Variants in PRKD1 observed in about 807,000 individuals in gnomAD.
PRKD1 encodes serine/threonine-protein kinase D1.
Under a neutral mutation model 95.9 loss-of-function variants are expected in PRKD1, and 63 were observed. That is an observed-to-expected ratio of 0.66 (90% CI 0.54 to 0.81). The LOEUF (loss-of-function observed/expected upper bound fraction) is 0.81. PRKD1 is among the 30% of genes least tolerant of loss of function. The pLI, the probability that PRKD1 is intolerant of heterozygous loss-of-function variation, is 0.00. For synonymous variants in PRKD1, 425 were observed against 423.1 expected, an observed-to-expected ratio of 1.00 and a Z score of -0.05; for missense variants, 1,048 against 1,165.3, an observed-to-expected ratio of 0.90 and a Z score of 1.47.
At chr14:29,724,339 T>C (rs1337002198) in intron 2 of PRKD1, among the ~76,000 whole-genome samples, 1 of 152,226 alleles carries the variant, frequency 6.6e-6, no homozygotes, top group African/African-American at 2.4e-5. Flanking sequence ...ATATGAATTA[T>C]GGCAAGAACT....
At chr14:29,750,550 C>T (rs1887427565) in intron 1 of PRKD1, among the ~76,000 whole-genome samples, 1 of 152,024 alleles carries the variant, frequency 6.6e-6, no homozygotes, top group Admixed American at 6.6e-5. Context: ...ATTCCAGCAG[C>T]TCAAGGCCAA....
chr14:29,728,740 T>C (rs112994868), intron 1 of PRKD1, among the ~76,000 whole-genome samples: 1,903 of 152,294 alleles, frequency 0.012, 44 homozygotes, highest in African/African-American at 0.043. Context: ...CAATGAACAT[T>C]ATGTACAAGT....
rs539524286 is a variant in PRKD1 at position 29,926,444 on chromosome 14, T to C, written c.264+805A>G. ...AACCTGAAAATCCAAATTGCTACTG[T>C]AAACAGTGGTGGGTGGGCTGAGTCT... On this transcript the variant is annotated intron_variant, in intron 1 of 17. Coordinates refer to ENST00000331968, the MANE Select transcript of PRKD1 (RefSeq NM_002742.3). Among the ~76,000 whole-genome samples, 278 of 152,194 alleles carry C rather than the reference T, an allele frequency of 1.8e-3. 1 individual carries two copies. Among genetic ancestry groups the C allele is most frequent in the Non-Finnish European group, 2.9e-3 (196 of 68,006 alleles).
intron 2 of PRKD1, among the ~76,000 whole-genome samples, chr14:29,682,817 GC>G (rs1183914295): frequency 6.6e-6 from 1 of 152,182 alleles, no homozygotes; most frequent in Non-Finnish European, 1.5e-5. Context: ...TGCTTAAAAT[GC>G]AAAGCTGGGA....
At chr14:29,773,473 A>G (rs1238022069) in intron 1 of PRKD1, among the ~76,000 whole-genome samples, 2 of 151,658 alleles carry the variant, frequency 1.3e-5, no homozygotes, top group East Asian at 1.9e-4. Context: ...AAAAAAAAAA[A>G]AAAGGAGTAA....
At chr14:29,828,588 A>C (rs4479124) in intron 1 of PRKD1, among the ~76,000 whole-genome samples, 68 of 152,258 alleles carry the variant, frequency 4.5e-4, no homozygotes, top group African/African-American at 1.5e-3. Context: ...TAGAGGAAAA[A>C]GAGATTCTCT....
chr14:29,632,967 A>C (rs752076316), intron 8 of PRKD1, 21 bp from the exon 9 acceptor site: 6 of 1,597,220 alleles, frequency 3.8e-6, no homozygotes, highest in South Asian at 1.1e-5. Context: ...AGTTAGATCC[A>C]AGATCTTTTT....
In PRKD1 at chr14:29,746,531, T is replaced by TACACAC. The variant is rs143019466; in HGVS notation, c.265-20863_265-20858dup. ...TTATCTCATTGTGTGTGTACATATA[T>TACACAC]ACACACACACACACACACACACATA... On this transcript the variant is annotated intron_variant, in intron 1 of 17. Coordinates refer to ENST00000331968, the MANE Select transcript of PRKD1 (RefSeq NM_002742.3). Among the ~76,000 whole-genome samples, 889 of 149,468 alleles carry TACACAC rather than the reference T, an allele frequency of 5.9e-3. 13 individuals carry two copies. Among genetic ancestry groups the TACACAC allele is most frequent in the African/African-American group, 0.02 (819 of 40,610 alleles).
At position 29,725,561 on chromosome 14, in the gene PRKD1, G is replaced by C; in HGVS notation, c.378C>G (p.Gly126=). The change falls in exon 2 of 18, where the codon GGC becomes GGG. Residue 126 remains glycine, a synonymous_variant. Transcript: ENST00000331968. Reference sequence around the variant, plus strand: ...CTGACAAGACCACTTCAATAAGATCGCCTTCCTGGATATCACTGGCCGCTT... The same window carrying C: ...CTGACAAGACCACTTCAATAAGATCCCCTTCCTGGATATCACTGGCCGCTT... ...LVKAASDIQE[G]DLIEVVLSAS... The C allele has an allele frequency of 6.2e-7, 1 of 1,613,634 alleles. No individual in the cohort carries two copies. The highest frequency in any genetic ancestry group is 8.5e-7 in the Non-Finnish European group (1 of 1,179,706).
intron 1 of PRKD1, among the ~76,000 whole-genome samples, chr14:29,907,886 C>A (rs1279711153): frequency 6.6e-6 from 1 of 152,034 alleles, no homozygotes; most frequent in Non-Finnish European, 1.5e-5. Flanking sequence ...GTATATTTTC[C>A]AAACTGTTTT....
At chr14:29,898,919 G>C (rs114636710) in intron 1 of PRKD1, among the ~76,000 whole-genome samples, 1 of 152,194 alleles carries the variant, frequency 6.6e-6, no homozygotes, top group African/African-American at 2.4e-5. Context: ...ACAGAAGGCA[G>C]AGAATTTCTC....
intron 1 of PRKD1, among the ~76,000 whole-genome samples, chr14:29,876,918 G>A (rs566003899): frequency 3.3e-5 from 5 of 152,210 alleles, no homozygotes; most frequent in South Asian, 4.1e-4. Flanking sequence ...TTGGGAGGCC[G>A]AGGCAGGAGG....
chr14:29,791,102 C>A (rs1255172642), intron 1 of PRKD1, among the ~76,000 whole-genome samples: 1 of 152,116 alleles, frequency 6.6e-6, no homozygotes. Context: ...TAAATATGAA[C>A]CAGTGTATAA....
chr14:29,775,018 T>C (rs1888673047), intron 1 of PRKD1, among the ~76,000 whole-genome samples: 1 of 152,070 alleles, frequency 6.6e-6, no homozygotes, highest in Non-Finnish European at 1.5e-5. Context: ...TTTTGAGGCA[T>C]AAAATGACAA....
intron 2 of PRKD1, among the ~76,000 whole-genome samples, chr14:29,666,795 C>T (rs1205117390): frequency 6.6e-6 from 1 of 152,020 alleles, no homozygotes; most frequent in Non-Finnish European, 1.5e-5. Flanking sequence ...ACCAAGCAGC[C>T]ACTTCACCAA....
intron 2 of PRKD1, among the ~76,000 whole-genome samples, chr14:29,693,249 G>T (rs769501569): frequency 9.2e-5 from 14 of 152,062 alleles, no homozygotes; most frequent in Non-Finnish European, 1.8e-4. Context: ...TTCTAAGTCG[G>T]AAGTTTTGAA....
At chr14:29,618,431 T>A (rs1594366230) in intron 13 of PRKD1, among the ~76,000 whole-genome samples, 1 of 152,082 alleles carries the variant, frequency 6.6e-6, no homozygotes, top group Non-Finnish European at 1.5e-5. Flanking sequence ...AATTTTTGTA[T>A]TTTTAGTAGA....
intron 2 of PRKD1, among the ~76,000 whole-genome samples, chr14:29,694,290 T>C (rs1241681346): frequency 3.3e-5 from 5 of 152,232 alleles, no homozygotes; most frequent in Admixed American, 2.6e-4. Flanking sequence ...ACACTGTTAG[T>C]TCATATAGAA....
rs548118397 is a variant in PRKD1 at position 29,889,852 on chromosome 14, G to A, written c.264+37397C>T. The stretch of plus-strand genomic sequence containing the variant: ...GTATACCTATGTAACAAACCTGCAC[G>A]TTGTGCATGTGTACCCTAGAACTTA... On this transcript the variant is annotated intron_variant, in intron 1 of 17. Transcript: ENST00000331968. Among the ~76,000 whole-genome samples, 352 of 152,308 alleles carry A rather than the reference G, an allele frequency of 2.3e-3. 1 individual carries two copies. The Middle Eastern group carries it at 0.031, about 13-fold the overall frequency.
Sources: gnomAD v4.1 joint callset for allele counts (sites outside exome capture counted in the v4.1 genomes callset) on GRCh38, gnomAD v4.1.1 for gene constraint, MANE v1.5 for transcripts, NCBI Gene and HGNC (gene_info 2026-07-23, HGNC 2026-07-21) for gene names.